OPCML: variants seen among roughly 807,000 people sequenced by gnomAD.
OPCML encodes opioid-binding protein/cell adhesion molecule.
Under a neutral mutation model 37.8 loss-of-function variants are expected in OPCML, and 13 were observed. The ratio of observed to expected loss-of-function variants is 0.34; its 90% CI spans 0.22 to 0.55. The LOEUF is 0.55. Among genes scored for constraint, OPCML ranks in the 20% least tolerant of loss-of-function variants. OPCML has a pLI of 0.91. For missense variants in OPCML, 341 were observed against 435.6 expected, an observed-to-expected ratio of 0.78 and a Z score of 1.93; for synonymous variants, 176 against 168.8, an observed-to-expected ratio of 1.04 and a Z score of -0.33.
intron 2 of OPCML, among the ~76,000 whole-genome samples, chr11:132,757,957 T>A (rs773494092): frequency 3.3e-5 from 5 of 152,236 alleles, no homozygotes; most frequent in Non-Finnish European, 7.3e-5. Flanking sequence ...CTTTAATTCG[T>A]CTTGAGTTAA....
chr11:132,737,938 G>C lies in OPCML; in HGVS notation c.147-80619C>G, dbSNP rs539849218. Among the ~76,000 whole-genome samples, 6 of 152,260 alleles carry C rather than the reference G, an allele frequency of 3.9e-5. No individual in the cohort carries two copies. The South Asian group carries it at 1.2e-3, about 32-fold the overall frequency. On this transcript the variant is annotated intron_variant, in intron 2 of 7. Transcript: ENST00000524381. ...TCTCTACGCTCAGAATGAAGTCAAG[G>C]GGTGTTCCTATCTTTCACCTCTATA...
At chr11:133,441,852 A>T (rs932677975) in intron 1 of OPCML, among the ~76,000 whole-genome samples, 2 of 152,336 alleles carry the variant, frequency 1.3e-5, no homozygotes, top group East Asian at 3.9e-4. Flanking sequence ...AGAACTTCCA[A>T]ATTATTTTTT....
intron 1 of OPCML, chr11:133,297,181 T>A (rs1337064501): frequency 6.6e-6 from 1 of 152,070 alleles, no homozygotes; most frequent in Non-Finnish European, 1.5e-5. Flanking sequence ...TAATCAAATA[T>A]CACTTACCTA....
Position 133,322,661 on chromosome 11 carries a change from T to C in OPCML, c.61+209603A>G, listed in dbSNP as rs139592508. Among the ~76,000 whole-genome samples, 1,367 of 152,284 alleles carry C rather than the reference T, an allele frequency of 9.0e-3. 20 individuals are homozygous for C. Among genetic ancestry groups the C allele is most frequent in the African/African-American group, 0.031 (1,291 of 41,544 alleles). On this transcript the variant is annotated intron_variant, in intron 1 of 7. Coordinates refer to ENST00000524381, the MANE Select transcript of OPCML (RefSeq NM_001012393.5). ...TTCAGCCTTCCCCAAGACATATAAA[T>C]GCTACCACCAATGACCCAATTGTTA...
intron 1 of OPCML, among the ~76,000 whole-genome samples, chr11:133,485,052 A>G (rs2120382541): frequency 6.6e-6 from 1 of 152,274 alleles, no homozygotes; most frequent in East Asian, 1.9e-4. Flanking sequence ...AATATCCAGT[A>G]CTATTTTAGA....
At chr11:133,506,044 GT>G (rs1341888612) in intron 1 of OPCML, among the ~76,000 whole-genome samples, 2 of 152,298 alleles carry the variant, frequency 1.3e-5, no homozygotes, top group East Asian at 3.9e-4. Context: ...GAAGCACAAT[GT>G]TAGAATAATA....
intron 1 of OPCML, among the ~76,000 whole-genome samples, chr11:133,122,339 C>G (rs1949435039): frequency 6.6e-6 from 1 of 151,488 alleles, no homozygotes; most frequent in African/African-American, 2.4e-5. Flanking sequence ...GTTTTTAATC[C>G]ATAGTAAGAG....
At chr11:132,538,818 T>C (rs2096347809) in intron 3 of OPCML, among the ~76,000 whole-genome samples, 1 of 152,196 alleles carries the variant, frequency 6.6e-6, no homozygotes, top group Non-Finnish European at 1.5e-5. Flanking sequence ...CATTTGGCAA[T>C]GTTCCAAATA....
chr11:133,479,154 C>T (rs1947318381), intron 1 of OPCML, among the ~76,000 whole-genome samples: 1 of 152,222 alleles, frequency 6.6e-6, no homozygotes, highest in Non-Finnish European at 1.5e-5. Context: ...GGTCCATGAG[C>T]TGCCTGCAGC....
chr11:133,314,666 G>T (rs1943160344), intron 1 of OPCML, among the ~76,000 whole-genome samples: 1 of 152,024 alleles, frequency 6.6e-6, no homozygotes, highest in African/African-American at 2.4e-5. Flanking sequence ...CTAGGAAGAG[G>T]CCCTGATGTT....
chr11:132,620,520 G>T (rs183854404), intron 3 of OPCML, among the ~76,000 whole-genome samples: 1 of 152,308 alleles, frequency 6.6e-6, no homozygotes, highest in East Asian at 1.9e-4. Flanking sequence ...GAAGGCTAAG[G>T]GGAATCAGGA....
At chr11:133,061,134 A>G (rs745689274) in intron 1 of OPCML, among the ~76,000 whole-genome samples, 4 of 152,224 alleles carry the variant, frequency 2.6e-5, no homozygotes, top group Non-Finnish European at 5.9e-5. Flanking sequence ...CCAAACTGCT[A>G]GGATTACAAG....
At chr11:132,745,269 G>A (rs528011485) in intron 2 of OPCML, among the ~76,000 whole-genome samples, 87 of 152,204 alleles carry the variant, frequency 5.7e-4, no homozygotes, top group South Asian at 2.7e-3. Context: ...AAAAAGAGCC[G>A]TCTCATAAGA....
chr11:133,408,244 T>C lies in OPCML; in HGVS notation c.61+124020A>G, dbSNP rs1036893259. Among the ~76,000 whole-genome samples the C allele has an allele frequency of 3.1e-4, 47 of 152,302 alleles. 1 individual carries two copies. Among genetic ancestry groups the C allele is most frequent in the African/African-American group, 1.1e-3 (44 of 41,584 alleles). On this transcript the variant is annotated intron_variant, in intron 1 of 7. Coordinates refer to ENST00000524381, the MANE Select transcript of OPCML (RefSeq NM_001012393.5). The stretch of plus-strand genomic sequence containing the variant: ...TGTGAGCATATACATTTAAGAAAGA[T>C]TAATAAAAACAGTAAGATAATATTT...
At chr11:133,141,042 CGACGACGAA>C (rs1333970250) in intron 1 of OPCML, among the ~76,000 whole-genome samples, 1 of 5,434 alleles carries the variant, frequency 1.8e-4, no homozygotes, top group African/African-American at 3.3e-4. Flanking sequence ...ACGACGACGA[CGACGACGAA>C]GAAGAAGAAG....
chr11:133,281,697 TGAG>T (rs950405500), intron 1 of OPCML, among the ~76,000 whole-genome samples: 3 of 151,552 alleles, frequency 2.0e-5, no homozygotes, highest in African/African-American at 7.3e-5. Flanking sequence ...GACAGGAAGA[TGAG>T]GAGAAGTTTG....
intron 4 of OPCML, among the ~76,000 whole-genome samples, chr11:132,450,456 A>G (rs2096065651): frequency 6.6e-6 from 1 of 152,088 alleles, no homozygotes; most frequent in Non-Finnish European, 1.5e-5. Flanking sequence ...TGGTGCCTCG[A>G]CGGTGGTGTC....
chr11:133,034,042 C>G (rs1947722018), intron 1 of OPCML, among the ~76,000 whole-genome samples: 1 of 152,126 alleles, frequency 6.6e-6, no homozygotes, highest in Admixed American at 6.5e-5. Context: ...GCGATGGAAA[C>G]AAGTATAGCA....
intron 2 of OPCML, among the ~76,000 whole-genome samples, chr11:132,735,591 C>A (rs1024678934): frequency 6.6e-6 from 1 of 152,096 alleles, no homozygotes; most frequent in African/African-American, 2.4e-5. Flanking sequence ...TTACACCACT[C>A]TCCTACCTCA....
Sources: allele counts gnomAD v4.1 joint callset (sites outside exome capture counted in the v4.1 genomes callset), GRCh38; gene constraint gnomAD v4.1.1; transcripts MANE v1.5; gene names NCBI Gene and HGNC (gene_info 2026-07-23, HGNC 2026-07-21).